MYO18B: variants seen among roughly 807,000 people sequenced by gnomAD.
The protein encoded by MYO18B is myosin XVIIIB.
MYO18B carries 204 observed loss-of-function variants against 273.0 expected under a neutral mutation model. The ratio of observed to expected loss-of-function variants is 0.75; its 90% confidence interval spans 0.67 to 0.84. The LOEUF (loss-of-function observed/expected upper bound fraction) is 0.84. Ranked by LOEUF, MYO18B falls within the 40% of genes least tolerant of loss-of-function variation. The pLI is 0.00. For synonymous variants in MYO18B, 1,330 were observed against 1,305.7 expected, an observed-to-expected ratio of 1.02 and a Z score of -0.40; for missense variants, 3,212 against 3,287.6, an observed-to-expected ratio of 0.98 and a Z score of 0.56.
rs574086509 is a variant in MYO18B, at chr22:25,807,852, C to G, written c.2521+9755C>G. Reference sequence around the variant, plus strand: ...TGCCATAGTGGCCTTGAGCAAGTAACTTAAGCTTTCTGAGGCTCAGAAAAC... The same window carrying G: ...TGCCATAGTGGCCTTGAGCAAGTAAGTTAAGCTTTCTGAGGCTCAGAAAAC... On this transcript the variant is annotated intron_variant, in intron 12 of 43. Coordinates refer to ENST00000335473, the MANE Select transcript of MYO18B (RefSeq NM_032608.7). 4.2e-3 allele frequency among the ~76,000 whole-genome samples: 639 copies of G among 152,096 alleles called. 2 individuals are homozygous for G. Among genetic ancestry groups the G allele is most frequent in the Non-Finnish European group, 5.7e-3 (389 of 67,984 alleles).
At chr22:25,757,228 T>A (rs1359929352) in intron 1 of MYO18B, among the ~76,000 whole-genome samples, 3 of 152,170 alleles carry the variant, frequency 2.0e-5, no homozygotes, top group African/African-American at 7.2e-5. Context: ...GCATAAAAAT[T>A]CATAGCAGTT....
chr22:25,859,290 T>C (rs1272502635), intron 21 of MYO18B, among the ~76,000 whole-genome samples: 2 of 152,230 alleles, frequency 1.3e-5, no homozygotes, highest in African/African-American at 4.8e-5. Context: ...GGATAGTTTT[T>C]GATTTTCTGA....
chr22:25,800,217 C>A (rs969632909), intron 12 of MYO18B, among the ~76,000 whole-genome samples: 1 of 152,030 alleles, frequency 6.6e-6, no homozygotes, highest in African/African-American at 2.4e-5. Context: ...GGATAAAACA[C>A]TACATATTTG....
chr22:25,985,562 C>A (rs576931549), intron 39 of MYO18B, among the ~76,000 whole-genome samples: 22 of 152,262 alleles, frequency 1.4e-4, no homozygotes, highest in Non-Finnish European at 2.4e-4. Flanking sequence ...ACACCACCTG[C>A]TGATGCTCAC....
chr22:26,022,844 C>T (rs577323596), intron 42 of MYO18B, among the ~76,000 whole-genome samples: 71 of 152,210 alleles, frequency 4.7e-4, no homozygotes, highest in Non-Finnish European at 9.4e-4. Flanking sequence ...CTCAAGGGCC[C>T]CAGGGAAGGC....
intron 34 of MYO18B, among the ~76,000 whole-genome samples, chr22:25,936,239 A>G (rs1448486261): frequency 6.6e-6 from 1 of 152,130 alleles, no homozygotes; most frequent in Non-Finnish European, 1.5e-5. Context: ...TTGGAGCATC[A>G]GTGTGATCCA....
chr22:25,887,908 A>G (rs1452330922), intron 25 of MYO18B, among the ~76,000 whole-genome samples: 1 of 152,210 alleles, frequency 6.6e-6, no homozygotes, highest in Non-Finnish European at 1.5e-5. Context: ...TAAATTTCAC[A>G]CTAATTGGCT....
intron 34 of MYO18B, among the ~76,000 whole-genome samples, chr22:25,932,402 CT>C (rs1569205658): frequency 3.7e-4 from 30 of 80,910 alleles, no homozygotes; most frequent in Admixed American, 8.3e-4. Flanking sequence ...TTTCTTTTTT[CT>C]TTTCTTTCTT....
intron 12 of MYO18B, among the ~76,000 whole-genome samples, chr22:25,818,489 T>A (rs1341321128): frequency 2.0e-5 from 3 of 152,214 alleles, no homozygotes. Flanking sequence ...TCAGAGGGTT[T>A]TGGTGAGATG....
At chr22:26,046,739 G>A in the MYO18B span, among the ~76,000 whole-genome samples, 1 of 152,146 alleles carries the variant, frequency 6.6e-6, no homozygotes, top group African/African-American at 2.4e-5. Flanking sequence ...GAATTCTTCC[G>A]TGGCTCCCTA....
intron 14 of MYO18B, among the ~76,000 whole-genome samples, chr22:25,827,017 G>A (rs887797449): frequency 1.3e-5 from 2 of 152,164 alleles, no homozygotes; most frequent in Non-Finnish European, 2.9e-5. Flanking sequence ...AGCCGAGATC[G>A]CGCCACCACA....
rs185272992 is a variant in MYO18B, at chr22:25,816,130, A to G, written c.2522-7375A>G. Among the ~76,000 whole-genome samples the G allele has an allele frequency of 2.1e-4, 32 of 152,312 alleles. No individual in the cohort carries two copies. In the East Asian group the frequency reaches 4.3e-3, roughly 20 times the overall value. ...GAAGTTCTAGCCTCTAAGAATGAGAAGGTTACATTTTCCATGTTCTCAAAA... is the reference window on the plus strand; with the variant it reads ...GAAGTTCTAGCCTCTAAGAATGAGAGGGTTACATTTTCCATGTTCTCAAAA... On this transcript the variant is annotated intron_variant, in intron 12 of 43. Coordinates refer to ENST00000335473, the MANE Select transcript of MYO18B (RefSeq NM_032608.7).
intron 12 of MYO18B, among the ~76,000 whole-genome samples, chr22:25,819,643 T>A (rs2089190448): frequency 6.6e-6 from 1 of 152,210 alleles, no homozygotes; most frequent in Non-Finnish European, 1.5e-5. Flanking sequence ...CAGGTGATAA[T>A]GAATTCTCAT....
At chr22:25,873,549 T>C (rs905000104) in intron 22 of MYO18B, among the ~76,000 whole-genome samples, 1 of 152,226 alleles carries the variant, frequency 6.6e-6, no homozygotes, top group African/African-American at 2.4e-5. Context: ...CAAGCGATTC[T>C]CCTGCCTCAG....
chr22:25,874,286 G>C lies in MYO18B; in HGVS notation c.3952G>C (p.Val1318Leu). Residue 1318 changes from valine (V) to leucine (L), a missense_variant and splice_region_variant, in exon 23 of 44, where the codon GTT (valine) becomes CTT (leucine). Transcript: ENST00000335473. Reference sequence around the variant, plus strand: ...CACCTGAAACCTTCCCTCTCCCCAGGTTTTTCTCAAGGCAGGTGTGATCTC... The same window carrying C: ...CACCTGAAACCTTCCCTCTCCCCAGCTTTTTCTCAAGGCAGGTGTGATCTC... ...KKAVAVGHSQ[V>L]FLKAGVISRL... The C allele has an allele frequency of 6.2e-7, 1 of 1,613,722 alleles. No homozygotes were observed. The highest frequency in any genetic ancestry group is 8.5e-7 in the Non-Finnish European group (1 of 1,179,836).
chr22:25,876,332 G>T lies in MYO18B; in HGVS notation c.4224G>T (p.Glu1408Asp). ...GAACTGAGCAGCTCCGAGCCAAGGA[G>T]GTCAGTCTATGTGGCAGGCAGGGTG... ...TIGTEQLRAK[E>D]EELTTLRRKL... The change falls in exon 24 of 44, where the codon GAG becomes GAT. Residue 1408 changes from glutamate (E) to aspartate (D), a missense_variant and splice_region_variant. Glu to Asp is a conservative substitution (Grantham distance 45, BLOSUM62 2). Coordinates refer to ENST00000335473, the MANE Select transcript of MYO18B (RefSeq NM_032608.7). 1 of 1,609,322 alleles carries T rather than the reference G, an allele frequency of 6.2e-7. No individual in the cohort carries two copies. Among genetic ancestry groups the T allele is most frequent in the Admixed American group, 1.7e-5 (1 of 59,594 alleles).
intron 1 of MYO18B, among the ~76,000 whole-genome samples, chr22:25,755,963 T>C (rs1421655885): frequency 3.3e-5 from 5 of 152,036 alleles, no homozygotes; most frequent in Non-Finnish European, 5.9e-5. Flanking sequence ...AGTGGCACGA[T>C]GTCAGCTCAC....
chr22:25,818,833 C>T (rs1378642691), intron 12 of MYO18B, among the ~76,000 whole-genome samples: 1 of 152,126 alleles, frequency 6.6e-6, no homozygotes. Flanking sequence ...GTAACCATCT[C>T]ATCTCCTTCT....
intron 42 of MYO18B, among the ~76,000 whole-genome samples, chr22:26,016,428 A>G (rs1466578941): frequency 6.6e-6 from 1 of 152,222 alleles, no homozygotes; most frequent in African/African-American, 2.4e-5. Context: ...CACATCCTGT[A>G]GAAATGAAAC....
Sources: gnomAD v4.1 joint callset for allele counts (sites outside exome capture counted in the v4.1 genomes callset) on GRCh38, gnomAD v4.1.1 for gene constraint, MANE v1.5 for transcripts, NCBI Gene and HGNC (gene_info 2026-07-23, HGNC 2026-07-21) for gene names.